Variants in KIF3C observed in about 807,000 individuals in gnomAD.
The protein encoded by KIF3C is kinesin family member 3C, also known as kinesin-like protein KIF3C.
In KIF3C, 12 loss-of-function variants were observed where a neutral mutation model predicts 67.7. The observed-to-expected ratio is 0.18, with a 90% CI of 0.11 to 0.29. KIF3C has a LOEUF of 0.29. Ranked by LOEUF, KIF3C falls within the 10% of genes least tolerant of loss-of-function variation. The pLI is 1.00. For synonymous variants in KIF3C, 393 were observed against 426.2 expected, an observed-to-expected ratio of 0.92 and a Z score of 0.96; for missense variants, 789 against 1,059.6, an observed-to-expected ratio of 0.74 and a Z score of 3.55.
chr2:25,974,183 C>T (rs146693968), intron 1 of KIF3C, among the ~76,000 whole-genome samples: 6,742 of 152,106 alleles, frequency 0.044, 301 homozygotes, highest in African/African-American at 0.12. Context: ...GATTCTCCTG[C>T]GTCAGCCTCC....
chr2:25,951,675 C>A lies in KIF3C; in HGVS notation c.2006+114G>T, dbSNP rs1663616863. 4 of 683,496 alleles carry A rather than the reference C, an allele frequency of 5.9e-6. No homozygotes were observed. The South Asian group carries it at 6.9e-5, about 12-fold the overall frequency. The allele number at this position is 683,496 out of a possible 1,614,324, so 42.3% of individuals were successfully genotyped here. A position where few individuals can be genotyped will look rare whatever the true frequency, so the allele number is the denominator to read the frequency against. The stretch of plus-strand genomic sequence containing the variant: ...CCATCGGCATCCTCCCCATCTTTTC[C>A]CCAATCCACAAAACATCTGTCTCCC... On this transcript the variant is annotated intron_variant, in intron 5 of 7. Transcript: ENST00000264712.
intron 5 of KIF3C, among the ~76,000 whole-genome samples, chr2:25,942,936 A>G (rs1246520526): frequency 6.6e-6 from 1 of 152,164 alleles, no homozygotes; most frequent in Non-Finnish European, 1.5e-5. Context: ...GGATGCTTAG[A>G]GCTGGAGTAG....
intron 5 of KIF3C, among the ~76,000 whole-genome samples, chr2:25,949,841 T>G (rs1236058576): frequency 6.7e-6 from 1 of 149,974 alleles, no homozygotes; most frequent in African/African-American, 2.4e-5. Flanking sequence ...CGTGGTAGCA[T>G]GCACCTGCAA....
At chr2:25,975,527 T>C (rs1664391096) in intron 1 of KIF3C, among the ~76,000 whole-genome samples, 1 of 152,140 alleles carries the variant, frequency 6.6e-6, no homozygotes. Context: ...CAACCTGATA[T>C]TCCTAATTTT....
At chr2:25,963,160 A>ATGTG (rs767958509) in intron 1 of KIF3C, among the ~76,000 whole-genome samples, 4,919 of 75,716 alleles carry the variant, frequency 0.065, 243 homozygotes, top group African/African-American at 0.084. Flanking sequence ...GTGTGTGTGT[A>ATGTG]TGTATGTGTG....
intron 5 of KIF3C, among the ~76,000 whole-genome samples, chr2:25,943,652 T>C (rs1663352709): frequency 6.6e-6 from 1 of 152,138 alleles, no homozygotes. Flanking sequence ...GAGACCAGCC[T>C]GACCAACAGG....
chr2:25,967,090 T>C (rs1574494557), intron 1 of KIF3C, among the ~76,000 whole-genome samples: 1 of 152,144 alleles, frequency 6.6e-6, no homozygotes, highest in African/African-American at 2.4e-5. Flanking sequence ...CAGCATTTGG[T>C]ATTTGTACCT....
At chr2:25,961,905 GC>G (rs1420625589) in intron 1 of KIF3C, among the ~76,000 whole-genome samples, 2 of 146,278 alleles carry the variant, frequency 1.4e-5, no homozygotes, top group African/African-American at 2.6e-5. Flanking sequence ...CTGAAATCGT[GC>G]CACTGCACTC....
chr2:25,943,109 G>C (rs558702206), intron 5 of KIF3C, among the ~76,000 whole-genome samples: 4 of 152,346 alleles, frequency 2.6e-5, no homozygotes, highest in Admixed American at 6.5e-5. Flanking sequence ...CCACACTTGA[G>C]TTGAGCAAAT....
intron 5 of KIF3C, among the ~76,000 whole-genome samples, chr2:25,946,558 C>T (rs1663441793): frequency 6.6e-6 from 1 of 152,030 alleles, no homozygotes; most frequent in Non-Finnish European, 1.5e-5. Context: ...CGTGGAGGCA[C>T]ATGCCTGTAA....
chr2:25,953,268 C>T (rs766210347), intron 4 of KIF3C, among the ~76,000 whole-genome samples: 12 of 149,290 alleles, frequency 8.0e-5, no homozygotes, highest in Non-Finnish European at 1.8e-4. Flanking sequence ...TATTCCATCT[C>T]CAAAAAAAAA....
intron 4 of KIF3C, among the ~76,000 whole-genome samples, chr2:25,952,357 T>C (rs1173665424): frequency 1.3e-5 from 2 of 151,826 alleles, no homozygotes; most frequent in Non-Finnish European, 1.5e-5. Flanking sequence ...GCAGAGGCAA[T>C]GTGGAGGTGG....
rs925819517 is a variant in KIF3C, at chr2:25,982,393, G to C, written c.-476C>G. The C allele has an allele frequency of 5.3e-5, 21 of 398,632 alleles. No homozygotes were observed. Among genetic ancestry groups the C allele is most frequent in the Non-Finnish European group, 8.0e-5 (18 of 226,170 alleles). The allele number at this position is 398,632 out of a possible 1,614,324, so 24.7% of individuals were successfully genotyped here. ...TCCCGAGGGCAGAGGCTCACCTGGA[G>C]TCCTCCCCCCAAGCTGGGGGATCAT... is the stretch of plus-strand genomic sequence containing the variant. On this transcript the variant is annotated 5_prime_UTR_variant, in exon 1 of 8. Transcript: ENST00000264712.
In KIF3C at chr2:25,980,374, T is replaced by G. The variant is rs1664531792; in HGVS notation, c.1544A>C (p.Lys515Thr). 1 of 1,611,822 alleles carries G rather than the reference T, an allele frequency of 6.2e-7. No homozygotes were observed. The highest frequency in any genetic ancestry group is 1.7e-5 in the Admixed American group (1 of 59,912). The change falls in exon 1 of 8, where the codon AAG (lysine) becomes ACG (threonine). Residue 515 changes from lysine to threonine, a missense_variant and splice_region_variant. By Grantham distance (78) the Lys-to-Thr change is moderately conservative (BLOSUM62 -1). Coordinates refer to ENST00000264712, the MANE Select transcript of KIF3C (RefSeq NM_002254.8). This position sits in a 1 kb window ranked among gnomAD's most constrained non-coding sequence, Gnocchi z 7.6. ...QATELLAAKY[K>T]AMESKLLIGG... ...GCCCAGCTCCTCTGGGGCCCTTACCTTGTACTTGGCCGCAAGCAGCTCTGT... is the reference window on the plus strand; with the variant it reads ...GCCCAGCTCCTCTGGGGCCCTTACCGTGTACTTGGCCGCAAGCAGCTCTGT...
rs1663174245 is a variant in KIF3C, at chr2:25,937,862, CT to C, written c.2007-7800del. On this transcript the variant is annotated intron_variant, in intron 5 of 7. Coordinates refer to ENST00000264712, the MANE Select transcript of KIF3C (RefSeq NM_002254.8). The stretch of plus-strand genomic sequence containing the variant: ...CTGAGGTCAGGAGTTCAAGACCAGC[CT>C]GGCCAACATGGTGAAACCCGGACTC... Among the ~76,000 whole-genome samples the C allele has an allele frequency of 2.0e-5, 3 of 152,116 alleles. No individual in the cohort carries two copies. In the South Asian group the frequency reaches 6.2e-4, roughly 32 times the overall value.
chr2:25,950,596 T>C (rs575476645), intron 5 of KIF3C, among the ~76,000 whole-genome samples: 5 of 152,168 alleles, frequency 3.3e-5, no homozygotes, highest in East Asian at 1.9e-4. Context: ...GCAAATGTCA[T>C]TGGAGCAGTG....
At chr2:25,940,454 C>T (rs997826112) in intron 5 of KIF3C, among the ~76,000 whole-genome samples, 7 of 151,692 alleles carry the variant, frequency 4.6e-5, no homozygotes, top group African/African-American at 1.7e-4. Flanking sequence ...GCCTGTAATC[C>T]CAGCTACTCT....
At chr2:25,962,987 T>TAA (rs1263845524) in intron 1 of KIF3C, among the ~76,000 whole-genome samples, 1 of 52,784 alleles carries the variant, frequency 1.9e-5, no homozygotes, top group African/African-American at 1.3e-4. Context: ...ATATAATATA[T>TAA]AATATATATA....
At chr2:25,952,377 A>G (rs917463840) in intron 4 of KIF3C, among the ~76,000 whole-genome samples, 1 of 152,130 alleles carries the variant, frequency 6.6e-6, no homozygotes, top group African/African-American at 2.4e-5. Flanking sequence ...GGGAAAATCA[A>G]GAAGTTAAGG....
Sources: gnomAD v4.1 joint callset for allele counts (sites outside exome capture counted in the v4.1 genomes callset) on GRCh38, gnomAD v4.1.1 for gene constraint, Gnocchi (gnomAD v3.1) non-coding constraint, MANE v1.5 for transcripts, NCBI Gene and HGNC (gene_info 2026-07-23, HGNC 2026-07-21) for gene names.